The following NRXN3 variants were observed in gnomAD, a reference collection of about 807,000 sequenced individuals.
NRXN3 encodes neurexin 3.
A neutral mutation model predicts 137.6 loss-of-function variants in NRXN3; 32 were observed. That is an observed-to-expected ratio of 0.23 (90% CI 0.18 to 0.31). The LOEUF is 0.31. Among genes scored for constraint, NRXN3 ranks in the 10% least tolerant of loss-of-function variants. The pLI is 1.00. For missense variants in NRXN3, 1,574 were observed against 2,062.5 expected (o/e 0.76, Z 4.59); for synonymous variants, 798 against 784.5 (o/e 1.02, Z -0.29).
At chr14:79,479,165 G>A (rs1004407083) in intron 16 of NRXN3, among the ~76,000 whole-genome samples, 2 of 152,048 alleles carry the variant, frequency 1.3e-5, no homozygotes, top group Admixed American at 6.6e-5. Context: ...TAGTACTTAG[G>A]TTACTAAACT....
intron 15 of NRXN3, among the ~76,000 whole-genome samples, chr14:79,002,777 C>T (rs905014381): frequency 6.6e-6 from 1 of 152,068 alleles, no homozygotes; most frequent in African/African-American, 2.4e-5. Flanking sequence ...GGTTCTAGAT[C>T]TTTGAGGAAT....
chr14:79,240,572 C>G (rs2074109238), intron 15 of NRXN3, among the ~76,000 whole-genome samples: 1 of 152,164 alleles, frequency 6.6e-6, no homozygotes, highest in South Asian at 2.1e-4. Flanking sequence ...TCTCTGGACA[C>G]TTGGTGAGAA....
chr14:78,443,116 A>G (rs748957941), intron 4 of NRXN3, among the ~76,000 whole-genome samples: 3 of 152,234 alleles, frequency 2.0e-5, no homozygotes, highest in Non-Finnish European at 4.4e-5. Flanking sequence ...GAGACCCAGT[A>G]GGTCAAATCT....
At chr14:78,462,402 G>A (rs551294861) in intron 4 of NRXN3, among the ~76,000 whole-genome samples, 3 of 152,130 alleles carry the variant, frequency 2.0e-5, no homozygotes, top group African/African-American at 7.2e-5. Flanking sequence ...GATGAGGGGG[G>A]TGCTCATCCA....
chr14:78,282,414 A>G, intron 3 of NRXN3: 1 of 296,988 alleles, frequency 3.4e-6, no homozygotes, highest in South Asian at 3.0e-5. Context: ...GGGGCTGTTT[A>G]TGGTGCTCCA....
chr14:79,411,346 C>T (rs1360315359), intron 15 of NRXN3, among the ~76,000 whole-genome samples: 1 of 152,100 alleles, frequency 6.6e-6, no homozygotes, highest in African/African-American at 2.4e-5. Context: ...GAATCATGTG[C>T]TGTCTAAGTC....
At chr14:79,507,031 C>T (rs1347874930) in intron 16 of NRXN3, among the ~76,000 whole-genome samples, 5 of 152,122 alleles carry the variant, frequency 3.3e-5, no homozygotes, top group African/African-American at 4.8e-5. Context: ...TTCAGGGCAT[C>T]AAACTGAAAG....
At chr14:79,003,347 A>G (rs185922568) in intron 15 of NRXN3, among the ~76,000 whole-genome samples, 87 of 152,332 alleles carry the variant, frequency 5.7e-4, no homozygotes, top group Admixed American at 3.2e-3. Context: ...TCAATACACA[A>G]TCTTAACTTT....
At chr14:78,191,932 G>A (rs949147949) in intron 1 of NRXN3, among the ~76,000 whole-genome samples, 1 of 152,086 alleles carries the variant, frequency 6.6e-6, no homozygotes, top group African/African-American at 2.4e-5. Context: ...AGGGTGGTCT[G>A]TTGCACTCAT....
intron 19 of NRXN3, among the ~76,000 whole-genome samples, chr14:79,781,198 A>G (rs1182291831): frequency 1.3e-5 from 2 of 152,212 alleles, no homozygotes; most frequent in Non-Finnish European, 2.9e-5. Context: ...CTTTCCGCTT[A>G]TCTATTTAAT....
At chr14:78,527,191 C>T (rs1264648602) in intron 4 of NRXN3, among the ~76,000 whole-genome samples, 3 of 152,142 alleles carry the variant, frequency 2.0e-5, no homozygotes, top group Non-Finnish European at 2.9e-5. Flanking sequence ...ATACCTGAGA[C>T]TGAGTAATTT....
chr14:78,921,000 G>A (rs550888831), intron 10 of NRXN3, among the ~76,000 whole-genome samples: 1 of 152,266 alleles, frequency 6.6e-6, no homozygotes, highest in East Asian at 1.9e-4. Flanking sequence ...GCCCATTGGT[G>A]ATTGAACTCA....
chr14:78,688,602 G>A (rs2098142574), intron 6 of NRXN3, among the ~76,000 whole-genome samples: 1 of 152,140 alleles, frequency 6.6e-6, no homozygotes. Context: ...GGGGTCAGTA[G>A]TGAAAAGGGA....
intron 14 of NRXN3, among the ~76,000 whole-genome samples, chr14:78,978,514 C>T (rs1365596519): frequency 6.6e-6 from 1 of 151,906 alleles, no homozygotes; most frequent in African/African-American, 2.4e-5. Context: ...AAATGACTCT[C>T]TTCAGAAAAG....
At chr14:78,323,181 TATC>T (rs2079606252) in intron 4 of NRXN3, among the ~76,000 whole-genome samples, 1 of 152,066 alleles carries the variant, frequency 6.6e-6, no homozygotes, top group Non-Finnish European at 1.5e-5. Flanking sequence ...TCTTCCCAAA[TATC>T]AACCTACGAA....
At chr14:78,555,454 G>A (rs886903022) in intron 4 of NRXN3, among the ~76,000 whole-genome samples, 17 of 152,154 alleles carry the variant, frequency 1.1e-4, no homozygotes, top group Non-Finnish European at 2.1e-4. Flanking sequence ...ATGCAAACAT[G>A]TTCATACTCT....
intron 4 of NRXN3, among the ~76,000 whole-genome samples, chr14:78,331,073 G>A (rs764107162): frequency 6.6e-6 from 1 of 152,088 alleles, no homozygotes; most frequent in African/African-American, 2.4e-5. Context: ...TTTTATGCAG[G>A]ATATTTTGCT....
chr14:79,394,874 A>T (rs1345363706), intron 15 of NRXN3, among the ~76,000 whole-genome samples: 1 of 152,198 alleles, frequency 6.6e-6, no homozygotes, highest in Non-Finnish European at 1.5e-5. Context: ...TGCTCGATCA[A>T]GGTCACTTAC....
intron 6 of NRXN3, among the ~76,000 whole-genome samples, chr14:78,699,563 C>CG (rs2098259426): frequency 1.3e-5 from 2 of 152,216 alleles, no homozygotes; most frequent in South Asian, 4.1e-4. Flanking sequence ...CCTAGTGGTT[C>CG]AGCAAGGTAT....
Sources: allele counts gnomAD v4.1 joint callset (sites outside exome capture counted in the v4.1 genomes callset), GRCh38; gene constraint gnomAD v4.1.1; transcripts MANE v1.5; gene names NCBI Gene and HGNC (gene_info 2026-07-23, HGNC 2026-07-21).